Variants in ASB5 observed in about 807,000 individuals in gnomAD.
The protein encoded by ASB5 is ankyrin repeat and SOCS box protein 5.
A neutral mutation model predicts 42.1 loss-of-function variants in ASB5; 45 were observed. The ratio of observed to expected loss-of-function variants is 1.07; its 90% CI spans 0.84 to 1.37. The LOEUF (loss-of-function observed/expected upper bound fraction) is 1.37, where lower values mean the gene tolerates loss of function less well. ASB5 is among the 40% of genes most tolerant of loss of function. The probability of loss-of-function intolerance (pLI) is 0.00; values close to 1 mark genes in which losing one functional copy is unlikely to be tolerated. For synonymous variants in ASB5, 147 were observed against 150.6 expected (o/e 0.98, Z 0.18); for missense variants, 402 against 399.8 (o/e 1.01, Z -0.05).
intron 2 of ASB5, 87 bp from the exon 3 acceptor site, chr4:176,222,507 T>C (rs1753246557): frequency 1.6e-6 from 2 of 1,230,598 alleles, no homozygotes; most frequent in Admixed American, 2.2e-5. Flanking sequence ...AGTGATATAT[T>C]TTAGACATCA....
intron 5 of ASB5, among the ~76,000 whole-genome samples, chr4:176,220,561 C>T (rs1344598038): frequency 6.6e-6 from 1 of 152,062 alleles, no homozygotes; most frequent in East Asian, 1.9e-4. Context: ...GTAAGTGGGA[C>T]CACTATGGCC....
chr4:176,235,649 A>G (rs1753666443), intron 1 of ASB5, among the ~76,000 whole-genome samples: 1 of 152,176 alleles, frequency 6.6e-6, no homozygotes, highest in Non-Finnish European at 1.5e-5. Flanking sequence ...ATCTTTGTGA[A>G]TAATTATCTG....
chr4:176,251,643 T>C (rs1324101199), intron 1 of ASB5, among the ~76,000 whole-genome samples: 2 of 142,920 alleles, frequency 1.4e-5, no homozygotes, highest in East Asian at 4.2e-4. Context: ...TAAAAATGTA[T>C]TCAATTAAAA....
chr4:176,257,759 C>T (rs1754182239), intron 1 of ASB5, among the ~76,000 whole-genome samples: 1 of 152,174 alleles, frequency 6.6e-6, no homozygotes, highest in Non-Finnish European at 1.5e-5. Flanking sequence ...TTGCCACTCA[C>T]CCCGTGTTTA....
At chr4:176,221,390 G>A in intron 4 of ASB5, 60 bp downstream of exon 4, 4 of 1,600,834 alleles carry the variant, frequency 2.5e-6, no homozygotes, top group East Asian at 2.2e-5. Flanking sequence ...GATCAACAGA[G>A]CACTGCAGGT....
intron 1 of ASB5, among the ~76,000 whole-genome samples, chr4:176,230,299 T>C (rs188964753): frequency 4.6e-5 from 7 of 152,214 alleles, no homozygotes; most frequent in Admixed American, 1.3e-4. Context: ...ACATCATTTA[T>C]TGACTAAAAT....
chr4:176,241,289 G>A (rs1184402340), intron 1 of ASB5, among the ~76,000 whole-genome samples: 1 of 151,996 alleles, frequency 6.6e-6, no homozygotes, highest in East Asian at 1.9e-4. Context: ...CTTTATCTCA[G>A]GACAAAAGTC....
rs1752893945 is a variant in ASB5 at position 176,213,701 on chromosome 4, TTAATA to T, written c.*1894_*1898del. The stretch of plus-strand genomic sequence containing the variant: ...TATTCCAATGAATAATAATCACACT[TTAATA>T]TAATAACAAACATACAATACATTAA... On this transcript the variant is annotated 3_prime_UTR_variant, in exon 7 of 7. Coordinates refer to ENST00000296525, the MANE Select transcript of ASB5 (RefSeq NM_080874.4). 2 of 152,040 alleles carry T rather than the reference TTAATA, an allele frequency of 1.3e-5. No individual in the cohort carries two copies. The highest frequency in any genetic ancestry group is 2.9e-5 in the Non-Finnish European group (2 of 67,954). The allele number at this position is 152,040 out of a possible 1,614,324, so 9.4% of individuals were successfully genotyped here. A position where few individuals can be genotyped will look rare whatever the true frequency, so the allele number is the denominator to read the frequency against.
upstream of ASB5, among the ~76,000 whole-genome samples, chr4:176,270,881 T>C (rs2877942): frequency 0.66 from 100,566 of 151,882 alleles, 33,508 homozygotes; most frequent in Middle Eastern, 0.73. Context: ...GCAGACTTCC[T>C]CTTCAGTGCT....
chr4:176,270,203 C>T (rs1194699846), upstream of ASB5, among the ~76,000 whole-genome samples: 1 of 152,064 alleles, frequency 6.6e-6, no homozygotes, highest in Non-Finnish European at 1.5e-5. Context: ...TTACAGGGAG[C>T]TTAGTTACAT....
intron 5 of ASB5, among the ~76,000 whole-genome samples, 156 bp from the exon 6 acceptor site, chr4:176,217,165 T>G: frequency 6.6e-6 from 1 of 152,294 alleles, no homozygotes; most frequent in East Asian, 1.9e-4. Flanking sequence ...ACATATACAG[T>G]ATCTACATAC....
At chr4:176,231,420 C>T (rs1357592172) in intron 1 of ASB5, among the ~76,000 whole-genome samples, 1 of 116,960 alleles carries the variant, frequency 8.5e-6, no homozygotes, top group Non-Finnish European at 1.8e-5. Context: ...TGAGAAACTG[C>T]TGGTCCTAAC....
chr4:176,226,470 A>G (rs1753381783), intron 1 of ASB5, among the ~76,000 whole-genome samples: 3 of 152,128 alleles, frequency 2.0e-5, no homozygotes, highest in Admixed American at 2.0e-4. Context: ...TCCAGCTTGC[A>G]GACAGCCTGT....
rs972419875 is a variant in ASB5, at chr4:176,256,705, G to A, written c.196+12208C>T. ...TGTAATCCTAGCTCTTAGGGAGGCC[G>A]AAGCAGGTGGAAGGCTTGACCTCGG... On this transcript the variant is annotated intron_variant, in intron 1 of 6. Transcript: ENST00000296525. Among the ~76,000 whole-genome samples, 16 of 152,236 alleles carry A rather than the reference G, an allele frequency of 1.1e-4. No homozygotes were observed. In the South Asian group the frequency reaches 2.3e-3, roughly 22 times the overall value.
At chr4:176,262,759 G>T (rs1754287738) in intron 1 of ASB5, among the ~76,000 whole-genome samples, 1 of 151,974 alleles carries the variant, frequency 6.6e-6, no homozygotes, top group Non-Finnish European at 1.5e-5. Context: ...AATAAGTGTT[G>T]GGCAAGTACA....
chr4:176,265,716 C>T (rs529547138), intron 1 of ASB5, among the ~76,000 whole-genome samples: 49 of 152,278 alleles, frequency 3.2e-4, no homozygotes, highest in African/African-American at 1.1e-3. Flanking sequence ...CATTTCTCCA[C>T]ATCCTCATTC....
upstream of ASB5, among the ~76,000 whole-genome samples, chr4:176,273,264 G>T (rs1425945601): frequency 1.3e-5 from 2 of 152,114 alleles, no homozygotes. Flanking sequence ...CCTAGAACAG[G>T]GTTGTTGAGG....
intron 2 of ASB5, among the ~76,000 whole-genome samples, chr4:176,223,803 A>G (rs1564619): frequency 0.9 from 136,749 of 152,182 alleles, 61,672 homozygotes; most frequent in Non-Finnish European, 0.94. Context: ...ACAGCCTCTC[A>G]TGATTCTTGG....
At chr4:176,235,721 C>T (rs1267677341) in intron 1 of ASB5, among the ~76,000 whole-genome samples, 3 of 151,924 alleles carry the variant, frequency 2.0e-5, no homozygotes, top group Non-Finnish European at 4.4e-5. Context: ...AAGACTGATC[C>T]TATTTACATT....
Sources: allele counts gnomAD v4.1 joint callset (sites outside exome capture counted in the v4.1 genomes callset), GRCh38; gene constraint gnomAD v4.1.1; transcripts MANE v1.5; gene names NCBI Gene and HGNC (gene_info 2026-07-23, HGNC 2026-07-21).